GNE: variants seen among roughly 807,000 people sequenced by gnomAD.
The protein encoded by GNE is glucosamine (UDP-N-acetyl)-2-epimerase/N-acetylmannosamine kinase.
Under a neutral mutation model 61.8 loss-of-function variants are expected in GNE, and 41 were observed. The ratio of observed to expected loss-of-function variants is 0.66; its 90% CI spans 0.52 to 0.86. GNE has a LOEUF of 0.86. Among genes scored for constraint, GNE ranks in the 40% least tolerant of loss-of-function variants. The pLI, the probability that GNE is intolerant of heterozygous loss-of-function variation, is 0.00. For synonymous variants in GNE, 264 were observed against 326.4 expected (o/e 0.81, Z 2.06); for missense variants, 608 against 909.1 (o/e 0.67, Z 4.26).
intron 1 of GNE, among the ~76,000 whole-genome samples, 199 bp from the exon 2 acceptor site, chr9:36,249,596 A>C (rs1830035466): frequency 6.6e-6 from 1 of 152,074 alleles, no homozygotes; most frequent in Non-Finnish European, 1.5e-5. Flanking sequence ...AGAAACTCCA[A>C]GGCTGGGAGT....
intron 1 of GNE, among the ~76,000 whole-genome samples, chr9:36,254,011 T>C (rs1830224787): frequency 6.6e-6 from 1 of 151,600 alleles, no homozygotes; most frequent in Non-Finnish European, 1.5e-5. Flanking sequence ...CATTCCAGCC[T>C]GGGAGACTGA....
chr9:36,222,639 G>C, intron 9 of GNE, 138 bp downstream of exon 9: 1 of 778,764 alleles, frequency 1.3e-6, no homozygotes, highest in South Asian at 1.4e-5. Flanking sequence ...CTCAGAAAAG[G>C]CCACATGTGG....
chr9:36,231,770 T>C (rs1278889850), intron 5 of GNE, among the ~76,000 whole-genome samples: 6 of 152,188 alleles, frequency 3.9e-5, no homozygotes, highest in African/African-American at 1.4e-4. Flanking sequence ...GCAGCCAAAC[T>C]GACAACCAAT....
rs1587392171 is a variant in GNE at position 36,272,662 on chromosome 9, A to G, written c.51+4232T>C. Among the ~76,000 whole-genome samples, 2 of 145,322 alleles carry G rather than the reference A, an allele frequency of 1.4e-5. 1 individual carries two copies. The highest frequency in any genetic ancestry group is 1.4e-4 in the Admixed American group (2 of 14,480). ...AAAAAAAAAGAACTACAGAAGATGG[A>G]TTGGGAAGAGGAGGAAGGACTGGAA... On this transcript the variant is annotated intron_variant, in intron 1 of 11. Coordinates refer to the GNE transcript ENST00000396594.
At chr9:36,268,218 C>G (rs1251180218) in intron 1 of GNE, among the ~76,000 whole-genome samples, 1 of 152,126 alleles carries the variant, frequency 6.6e-6, no homozygotes, top group African/African-American at 2.4e-5. Flanking sequence ...TCAGAGAATG[C>G]TCAGTCATCC....
intron 3 of GNE, among the ~76,000 whole-genome samples, chr9:36,238,529 T>G (rs573155318): frequency 4.1e-4 from 62 of 152,388 alleles, no homozygotes; most frequent in Admixed American, 3.5e-3. Context: ...ATATGTTTGT[T>G]GGCCATTTGT....
In GNE at chr9:36,227,426, G is replaced by A; in HGVS notation, c.1103C>T (p.Pro368Leu). 1 of 1,611,526 alleles carries A rather than the reference G, an allele frequency of 6.2e-7. No homozygotes were observed. Among genetic ancestry groups the A allele is most frequent in the East Asian group, 2.2e-5 (1 of 44,854 alleles). ...SKIYGDGNAV[P>L]RILKFLKSID... ...AGATTTGAGAAACTTCAAAATCCTT[G>A]GAACAGCATTTCCATCCCCATATAT... The change falls in exon 7 of 12, where the codon CCA (proline) becomes CTA (leucine). Residue 368 changes from proline (P) to leucine (L), a missense_variant. Physicochemically the swap from Pro to Leu is moderately conservative, Grantham distance 98. Transcript: ENST00000642385.
At chr9:36,274,358 AG>A (rs1182938500) in intron 1 of GNE, among the ~76,000 whole-genome samples, 6 of 152,044 alleles carry the variant, frequency 3.9e-5, no homozygotes, top group Admixed American at 2.0e-4. Flanking sequence ...AACCTACTGA[AG>A]TGCTGGGGTT....
At chr9:36,235,077 A>C (rs7850891) in intron 4 of GNE, among the ~76,000 whole-genome samples, 5,695 of 152,250 alleles carry the variant, frequency 0.037, 346 homozygotes, top group African/African-American at 0.13. Flanking sequence ...TGTAATACTT[A>C]CCAGATCAGC....
chr9:36,260,868 C>CAAAAAAAAAAA (rs745821430), upstream of GNE, among the ~76,000 whole-genome samples: 4 of 96,036 alleles, frequency 4.2e-5, no homozygotes, highest in African/African-American at 7.3e-5. Flanking sequence ...GACTCTATCT[C>CAAAAAAAAAAA]AAAAAAAAAA....
intron 1 of GNE, chr9:36,263,498 T>G (rs780664201): frequency 6.5e-6 from 1 of 154,830 alleles, no homozygotes; most frequent in Non-Finnish European, 1.5e-5. Context: ...GTTGTTCCAT[T>G]AGTTAAGAGT....
upstream of GNE, among the ~76,000 whole-genome samples, chr9:36,259,456 A>T (rs1349180789): frequency 6.6e-6 from 1 of 152,164 alleles, no homozygotes; most frequent in Non-Finnish European, 1.5e-5. Flanking sequence ...GTTCATTGAG[A>T]TTTCTTGCTG....
chr9:36,234,991 T>C (rs1829331944), intron 4 of GNE, among the ~76,000 whole-genome samples: 1 of 152,196 alleles, frequency 6.6e-6, no homozygotes, highest in African/African-American at 2.4e-5. Flanking sequence ...AGGTTGAGCA[T>C]CCCTTATTCG....
intron 4 of GNE, among the ~76,000 whole-genome samples, chr9:36,235,583 A>G (rs1178778160): frequency 6.6e-6 from 1 of 152,212 alleles, no homozygotes; most frequent in African/African-American, 2.4e-5. Context: ...CTGAACGAGA[A>G]TGATACATAG....
intron 9 of GNE, among the ~76,000 whole-genome samples, chr9:36,220,680 T>G (rs887158324): frequency 1.3e-5 from 2 of 152,194 alleles, no homozygotes; most frequent in Non-Finnish European, 2.9e-5. Flanking sequence ...CCAAGATAAG[T>G]CTTTTAAAAT....
Position 36,233,990 on chromosome 9 carries a change from C to G in GNE, c.912G>C (p.Gly304=), listed in dbSNP as rs1174080156. 6.2e-7 allele frequency: 1 copy of G among 1,614,076 alleles called. No individual in the cohort carries two copies. Among genetic ancestry groups the G allele is most frequent in the African/African-American group, 1.3e-5 (1 of 74,940 alleles). The part of the protein sequence containing the change: ...AGCMIGNSSC[G]VREVGAFGTP... Reference sequence around the variant, plus strand: ...TTCCAAAAGCTCCAACTTCTCGAACCCCACAGCTGCTGTTCCCAATCATAC... The same window carrying G: ...TTCCAAAAGCTCCAACTTCTCGAACGCCACAGCTGCTGTTCCCAATCATAC... The change falls in exon 5 of 12, where the codon GGG becomes GGC. Residue 304 remains glycine (G), a synonymous_variant. Transcript: ENST00000642385.
intron 1 of GNE, among the ~76,000 whole-genome samples, chr9:36,256,406 A>T (rs1205751736): frequency 1.4e-5 from 2 of 147,950 alleles, no homozygotes; most frequent in African/African-American, 5.0e-5. Context: ...CACCACATCG[A>T]GCTAATTTTT....
chr9:36,256,907 G>A (rs1830375941), intron 1 of GNE, among the ~76,000 whole-genome samples: 1 of 152,142 alleles, frequency 6.6e-6, no homozygotes, highest in African/African-American at 2.4e-5. Flanking sequence ...CCAAATCACT[G>A]TTTAATAGTT....
chr9:36,269,111 C>A (rs1165217075), intron 1 of GNE, among the ~76,000 whole-genome samples: 3 of 141,540 alleles, frequency 2.1e-5, no homozygotes, highest in African/African-American at 7.9e-5. Context: ...GCCTGGGCAA[C>A]AGAGCGAGAC....
Sources: allele counts gnomAD v4.1 joint callset (sites outside exome capture counted in the v4.1 genomes callset), GRCh38; gene constraint gnomAD v4.1.1; transcripts MANE v1.5; gene names NCBI Gene and HGNC (gene_info 2026-07-23, HGNC 2026-07-21).